SLC12A2: variants seen among roughly 807,000 people sequenced by gnomAD.
SLC12A2 encodes the protein solute carrier family 12 member 2, also known as Na-K-2Cl cotransporter 1.
Under a neutral mutation model 136.3 loss-of-function variants are expected in SLC12A2, and 67 were observed. The observed-to-expected ratio is 0.49, with a 90% CI of 0.40 to 0.60. The LOEUF is 0.60. Among genes scored for constraint, SLC12A2 ranks in the 20% least tolerant of loss-of-function variants. The pLI is 0.00. For synonymous variants in SLC12A2, 619 were observed against 562.9 expected, an observed-to-expected ratio of 1.10 and a Z score of -1.41; for missense variants, 1,322 against 1,534.7, an observed-to-expected ratio of 0.86 and a Z score of 2.32.
Position 128,171,734 on chromosome 5 carries a change from CT to C in SLC12A2, c.2793del (p.Gln932LysfsTer20). 1 of 1,570,768 alleles carries C rather than the reference CT, an allele frequency of 6.4e-7. No homozygotes were observed. Among genetic ancestry groups the C allele is most frequent in the Non-Finnish European group, 8.6e-7 (1 of 1,161,844 alleles). ...RLKEGLDISH[L>X]QGQEELLSSQ... is the part of the protein sequence containing the mutation. The stretch of plus-strand genomic sequence containing the variant: ...AAAAGAAGGTCTGGATATATCTCAT[CT>C]TCAAGGACAAGGTAAATTTTGTTGG... On this transcript the variant is annotated frameshift_variant, in exon 19 of 27. Coordinates refer to ENST00000262461, the MANE Select transcript of SLC12A2 (RefSeq NM_001046.3). LOFTEE classifies it high-confidence loss of function.
Position 128,112,821 on chromosome 5 carries a change from T to C in SLC12A2, c.764T>C (p.Phe255Ser). ...ELHDELEKEPFEDGFANGEES... is the reference protein window; with the variant it reads ...ELHDELEKEPSEDGFANGEES... ...ATTTCTTTTTATAACCAGGAACCTT[T>C]TGAGGATGGCTTTGCAAATGGGGAA... The change falls in exon 2 of 27, where the codon TTT becomes TCT. Residue 255 changes from phenylalanine (F) to serine (S), a missense_variant. Around this residue, in one of 8 missense-constraint regions of SLC12A2, gnomAD observed 59 missense variants for 51.5 expected, o/e 1.15. Transcript: ENST00000262461. 5.6e-6 allele frequency: 9 copies of C among 1,606,354 alleles called. No homozygotes were observed. The highest frequency in any genetic ancestry group is 6.8e-6 in the Non-Finnish European group (8 of 1,176,730).
At position 128,120,334 on chromosome 5, in the gene SLC12A2, T is replaced by TCCCA. The variant is rs529549538; in HGVS notation, c.1048+5653_1048+5654insCCCA. Among the ~76,000 whole-genome samples, 321 of 121,658 alleles carry TCCCA rather than the reference T, an allele frequency of 2.6e-3. 1 individual carries two copies. The highest frequency in any genetic ancestry group is 5.9e-3 in the Admixed American group (63 of 10,614). 79.8% of individuals were successfully genotyped at this position (121,658 alleles called of 152,430 possible). A position where few individuals can be genotyped will look rare whatever the true frequency, so the allele number is the denominator to read the frequency against. On this transcript the variant is annotated intron_variant, in intron 4 of 26. Coordinates refer to ENST00000262461, the MANE Select transcript of SLC12A2 (RefSeq NM_001046.3). ...CAGGGATCTAGAACTAGAAATACCATTTGACCCAGCCATCCCATTACTGGG... is the reference window on the plus strand; with the variant it reads ...CAGGGATCTAGAACTAGAAATACCATCCCATTGACCCAGCCATCCCATTACTGGG...
In SLC12A2 at chr5:128,182,944, A is replaced by G; in HGVS notation, c.3299+3A>G. On this transcript the variant is annotated splice_donor_region_variant and intron_variant, in intron 24 of 26. Transcript: ENST00000262461. ...AATACCAAACCAAAGAAAGAAAAGTAAGTTACTCTACAAATTTCTGATCCC... is the reference window on the plus strand; with the variant it reads ...AATACCAAACCAAAGAAAGAAAAGTGAGTTACTCTACAAATTTCTGATCCC... 1 of 1,581,824 alleles carries G rather than the reference A, an allele frequency of 6.3e-7. No homozygotes were observed. Among genetic ancestry groups the G allele is most frequent in the Admixed American group, 1.7e-5 (1 of 59,154 alleles).
intron 1 of SLC12A2, among the ~76,000 whole-genome samples, chr5:128,104,811 A>G (rs918388484): frequency 6.6e-6 from 1 of 152,034 alleles, no homozygotes; most frequent in Non-Finnish European, 1.5e-5. Context: ...GATGCTGTAT[A>G]CCCTGGGAGG....
At chr5:128,132,459 C>T (rs752944250) in intron 5 of SLC12A2, among the ~76,000 whole-genome samples, 5 of 152,070 alleles carry the variant, frequency 3.3e-5, no homozygotes, top group East Asian at 1.9e-4. Context: ...ATGCCATTTG[C>T]GGTGTGATGG....
chr5:128,085,222 G>A (rs1340076767), intron 1 of SLC12A2, among the ~76,000 whole-genome samples: 2 of 152,028 alleles, frequency 1.3e-5, no homozygotes, highest in African/African-American at 2.4e-5. Context: ...AGTTATTAAA[G>A]CTCAATTCTT....
At chr5:128,132,632 CAT>C (rs1383478415) in intron 5 of SLC12A2, among the ~76,000 whole-genome samples, 2 of 152,006 alleles carry the variant, frequency 1.3e-5, no homozygotes, top group African/African-American at 4.8e-5. Flanking sequence ...TATAATTGCT[CAT>C]GTTAGGTTAG....
At chr5:128,126,490 A>C (rs1454794520) in intron 4 of SLC12A2, among the ~76,000 whole-genome samples, 1 of 152,170 alleles carries the variant, frequency 6.6e-6, no homozygotes, top group East Asian at 1.9e-4. Context: ...CAGAAAACTA[A>C]AAATAGAGCT....
intron 1 of SLC12A2, among the ~76,000 whole-genome samples, chr5:128,086,631 T>C (rs1331855898): frequency 1.3e-5 from 2 of 152,236 alleles, no homozygotes; most frequent in African/African-American, 2.4e-5. Flanking sequence ...TTTAATTCTT[T>C]GTAGTTTACC....
chr5:128,175,488 C>T (rs575315058), intron 20 of SLC12A2, among the ~76,000 whole-genome samples: 1 of 152,094 alleles, frequency 6.6e-6, no homozygotes. Context: ...TTAGTTTACA[C>T]TATACATTCT....
At position 128,174,576 on chromosome 5, in the gene SLC12A2, A is replaced by G; in HGVS notation, c.2839A>G (p.Thr947Ala). 1 of 1,609,360 alleles carries G rather than the reference A, an allele frequency of 6.2e-7. No homozygotes were observed. Among genetic ancestry groups the G allele is most frequent in the Non-Finnish European group, 8.5e-7 (1 of 1,177,150 alleles). The part of the protein sequence containing the change: ...LLSSQEKSPG[T>A]KDVVVSVEYS... ...GTCATCACAAGAGAAATCTCCTGGC[A>G]CCAAGGATGTGGTAGTAAGTGTGGA... Residue 947 changes from threonine to alanine, a missense_variant, in exon 20 of 27, where the codon ACC becomes GCC. By Grantham distance (58) the Thr-to-Ala change is moderately conservative. Transcript: ENST00000262461.
At chr5:128,172,011 T>C (rs1476540143) in intron 19 of SLC12A2, 3 of 262,220 alleles carry the variant, frequency 1.1e-5, no homozygotes, top group African/African-American at 2.2e-5. Context: ...ACATTAGTTA[T>C]GTCTTTAAAA....
intron 15 of SLC12A2, among the ~76,000 whole-genome samples, chr5:128,155,760 C>G (rs1366665822): frequency 6.6e-6 from 1 of 152,130 alleles, no homozygotes; most frequent in Non-Finnish European, 1.5e-5. Context: ...AGTTGAAGTC[C>G]TTAATGTAGA....
At chr5:128,142,184 G>A (rs1431096152) in intron 10 of SLC12A2, among the ~76,000 whole-genome samples, 2 of 152,250 alleles carry the variant, frequency 1.3e-5, no homozygotes, top group South Asian at 2.1e-4. Context: ...CTTGCTGCAA[G>A]CTCCGCCTCC....
At chr5:128,164,384 A>G (rs1763137369) in intron 17 of SLC12A2, among the ~76,000 whole-genome samples, 1 of 152,180 alleles carries the variant, frequency 6.6e-6, no homozygotes, top group African/African-American at 2.4e-5. Flanking sequence ...TGACAACTCT[A>G]TCAGTGTGGG....
intron 4 of SLC12A2, among the ~76,000 whole-genome samples, chr5:128,126,960 A>ATT (rs1561673526): frequency 2.3e-4 from 6 of 26,388 alleles, no homozygotes; most frequent in East Asian, 1.0e-3. Flanking sequence ...ATATATATAT[A>ATT]TATATATTTT....
intron 1 of SLC12A2, among the ~76,000 whole-genome samples, chr5:128,101,994 G>A (rs1250108838): frequency 6.6e-6 from 1 of 152,048 alleles, no homozygotes; most frequent in African/African-American, 2.4e-5. Flanking sequence ...ATTATAAGAA[G>A]CTATGTAGTA....
chr5:128,134,139 A>T, intron 5 of SLC12A2, 26 bp from the exon 6 acceptor site: 1 of 1,204,460 alleles, frequency 8.3e-7, no homozygotes. Context: ...AGTATTGCTT[A>T]TTATATTTAT....
intron 11 of SLC12A2, among the ~76,000 whole-genome samples, chr5:128,148,535 T>C (rs764498002): frequency 2.0e-5 from 3 of 151,764 alleles, no homozygotes; most frequent in Non-Finnish European, 3.0e-5. Flanking sequence ...AACATGGGGA[T>C]AGGGTAAGGC....
Sources: allele counts gnomAD v4.1 joint callset (sites outside exome capture counted in the v4.1 genomes callset), GRCh38; gene constraint gnomAD v4.1.1; regional missense constraint gnomAD v4.1.1; transcripts MANE v1.5; gene names NCBI Gene and HGNC (gene_info 2026-07-23, HGNC 2026-07-21).